Variants in SSR1 observed in about 807,000 individuals in gnomAD.
SSR1 encodes the protein signal sequence receptor subunit 1, also known as translocon-associated protein subunit alpha.
In SSR1, 13 loss-of-function variants were observed where a neutral mutation model predicts 36.1. The observed-to-expected ratio is 0.36, with a 90% CI of 0.23 to 0.57. SSR1 has a LOEUF of 0.57. Among genes scored for constraint, SSR1 ranks in the 20% least tolerant of loss-of-function variants. The probability of loss-of-function intolerance (pLI) is 0.81; values close to 1 mark genes in which losing one functional copy is unlikely to be tolerated. For synonymous variants in SSR1, 113 were observed against 118.9 expected, an observed-to-expected ratio of 0.95 and a Z score of 0.32; for missense variants, 291 against 338.5, an observed-to-expected ratio of 0.86 and a Z score of 1.10.
At chr6:7,312,883 C>A (rs1242922618) in intron 1 of SSR1, among the ~76,000 whole-genome samples, 159 bp downstream of exon 1, 1 of 152,206 alleles carries the variant, frequency 6.6e-6, no homozygotes, top group East Asian at 1.9e-4. Flanking sequence ...CGCGGGGACC[C>A]CTGCTGCTAC....
rs1757421215 is a variant in SSR1, at chr6:7,281,647, G to A, written c.*8217C>T. 1 of 152,168 alleles carries A rather than the reference G, an allele frequency of 6.6e-6. No individual in the cohort carries two copies. The highest frequency in any genetic ancestry group is 6.5e-5 in the Admixed American group (1 of 15,276). The allele number at this position is 152,168 out of a possible 1,614,324, so 9.4% of individuals were successfully genotyped here. ...CTGAAATCTCTTTTTATTCATAGCA[G>A]AGCCAAAACTGGAAGTCACTTATTA... is the stretch of plus-strand genomic sequence containing the variant. On this transcript the variant is annotated 3_prime_UTR_variant, in exon 8 of 8. Transcript: ENST00000244763.
intron 6 of SSR1, among the ~76,000 whole-genome samples, chr6:7,296,673 AG>A (rs1193834125): frequency 6.6e-6 from 1 of 151,136 alleles, no homozygotes; most frequent in East Asian, 1.9e-4. Flanking sequence ...AGGGTGAGTG[AG>A]GGAAGGAAAG....
intron 6 of SSR1, among the ~76,000 whole-genome samples, chr6:7,296,114 C>T (rs960016084): frequency 2.6e-5 from 4 of 151,922 alleles, no homozygotes; most frequent in African/African-American, 9.7e-5. Context: ...TTAAGCTAAC[C>T]ACCTCAATTT....
In SSR1 at chr6:7,281,957, G is replaced by A. The variant is rs1177288255; in HGVS notation, c.*7907C>T. On this transcript the variant is annotated 3_prime_UTR_variant, in exon 8 of 8. Transcript: ENST00000244763. The stretch of plus-strand genomic sequence containing the variant: ...GGCACGCTCTGGAAAGGCTGGTGCA[G>A]AGAGCAGGACGGTGAGCCTGAGTGA... 6.6e-6 allele frequency: 1 copy of A among 152,456 alleles called. No individual in the cohort carries two copies. The highest frequency in any genetic ancestry group is 1.5e-5 in the Non-Finnish European group (1 of 68,166). 9.4% of individuals were successfully genotyped at this position (152,456 alleles called of 1,614,324 possible).
Position 7,287,111 on chromosome 6 carries a change from G to T in SSR1, c.*2753C>A, listed in dbSNP as rs578128176. On this transcript the variant is annotated 3_prime_UTR_variant, in exon 8 of 8. Coordinates refer to ENST00000244763, the MANE Select transcript of SSR1 (RefSeq NM_003144.5). Reference sequence around the variant, plus strand: ...CAAGTCAATTTTCCTTCATATCAAGGGTATGGATATCATTGTACAAGATGA... The same window carrying T: ...CAAGTCAATTTTCCTTCATATCAAGTGTATGGATATCATTGTACAAGATGA... The T allele has an allele frequency of 2.6e-4, 40 of 152,000 alleles. No individual in the cohort carries two copies. Among genetic ancestry groups the T allele is most frequent in the African/African-American group, 8.7e-4 (36 of 41,442 alleles). The allele number at this position is 152,000 out of a possible 1,614,324, so 9.4% of individuals were successfully genotyped here. A position where few individuals can be genotyped will look rare whatever the true frequency, so the allele number is the denominator to read the frequency against.
intron 7 of SSR1, chr6:7,295,146 A>G: frequency 6.6e-7 from 1 of 1,510,354 alleles, no homozygotes; most frequent in South Asian, 1.3e-5. Flanking sequence ...GATTAGGAAC[A>G]CAGAAAATTC....
In SSR1 at chr6:7,298,775, C is replaced by T. The variant is rs1263967592; in HGVS notation, c.592G>A (p.Glu198Lys). 1.2e-6 allele frequency: 2 copies of T among 1,613,472 alleles called. No homozygotes were observed. The highest frequency in any genetic ancestry group is 1.7e-6 in the Non-Finnish European group (2 of 1,179,796). The change falls in exon 5 of 8, where the codon GAA becomes AAA. Residue 198 changes from glutamate to lysine, a missense_variant. Glu to Lys is a moderately conservative substitution (Grantham distance 56). Coordinates refer to ENST00000244763, the MANE Select transcript of SSR1 (RefSeq NM_003144.5). Reference sequence around the variant, plus strand: ...TCTCCATCTAACCCATCCTCTCTTTCAATAACTGTAACTGTTTGATTGAAG... The same window carrying T: ...TCTCCATCTAACCCATCCTCTCTTTTAATAACTGTAACTGTTTGATTGAAG... ...AVFNQTVTVI[E>K]REDGLDGETI...
At position 7,288,489 on chromosome 6, in the gene SSR1, A is replaced by G. The variant is rs1581624753; in HGVS notation, c.*1375T>C. On this transcript the variant is annotated 3_prime_UTR_variant, in exon 8 of 8. Transcript: ENST00000244763. ...TTTGGAAAGACTTTTTTCTGTGTGT[A>G]TTTCGTTTTGTTTTTTTGTCTGTGT... 1 of 152,550 alleles carries G rather than the reference A, an allele frequency of 6.6e-6. No individual in the cohort carries two copies. The highest frequency in any genetic ancestry group is 1.9e-4 in the East Asian group (1 of 5,186). The allele number at this position is 152,550 out of a possible 1,614,324, so 9.4% of individuals were successfully genotyped here.
At chr6:7,292,647 A>T (rs1399613704) in intron 7 of SSR1, among the ~76,000 whole-genome samples, 1 of 152,130 alleles carries the variant, frequency 6.6e-6, no homozygotes, top group African/African-American at 2.4e-5. Context: ...TAACATTTCC[A>T]GTAGCTGAGA....
chr6:7,311,266 CACATTAT>C, intron 1 of SSR1, among the ~76,000 whole-genome samples: 2 of 151,548 alleles, frequency 1.3e-5, no homozygotes, highest in Middle Eastern at 6.8e-3. Flanking sequence ...CTAAGTAAGT[CACATTAT>C]ATCTATTTCA....
At position 7,281,252 on chromosome 6, in the gene SSR1, A is replaced by C. The variant is rs1186539168; in HGVS notation, c.*8612T>G. 2 of 152,246 alleles carry C rather than the reference A, an allele frequency of 1.3e-5. No individual in the cohort carries two copies. Among genetic ancestry groups the C allele is most frequent in the Admixed American group, 1.3e-4 (2 of 15,278 alleles). The allele number at this position is 152,246 out of a possible 1,614,324, so 9.4% of individuals were successfully genotyped here. On this transcript the variant is annotated 3_prime_UTR_variant, in exon 8 of 8. Transcript: ENST00000244763. ...TTAGACCAGTAACAACAACCAAGAA[A>C]GCAAAGTGCTCGTTTCCATCTTGGC...
intron 7 of SSR1, 22 bp from the exon 8 acceptor site, chr6:7,289,953 T>C: frequency 6.6e-7 from 1 of 1,526,520 alleles, no homozygotes; most frequent in Non-Finnish European, 8.7e-7. Context: ...GAGAAAGTTT[T>C]AAGCTTGCCT....
At chr6:7,291,708 G>A (rs910895627) in intron 7 of SSR1, among the ~76,000 whole-genome samples, 3 of 152,172 alleles carry the variant, frequency 2.0e-5, no homozygotes, top group African/African-American at 7.2e-5. Context: ...GCAGTATGCT[G>A]AACATAGTCT....
intron 2 of SSR1, among the ~76,000 whole-genome samples, chr6:7,306,660 T>C (rs915778759): frequency 2.0e-5 from 3 of 150,346 alleles, no homozygotes; most frequent in Non-Finnish European, 3.0e-5. Context: ...CTCATGCCTG[T>C]AATCCCAGCA....
At chr6:7,312,339 G>A (rs969713193) in intron 1 of SSR1, among the ~76,000 whole-genome samples, 1 of 152,170 alleles carries the variant, frequency 6.6e-6, no homozygotes, top group African/African-American at 2.4e-5. Context: ...ACAAAAAATT[G>A]TTCCATGGAA....
At chr6:7,303,759 G>T in intron 2 of SSR1, 122 bp from the exon 3 acceptor site, 1 of 644,840 alleles carries the variant, frequency 1.6e-6, no homozygotes, top group Non-Finnish European at 2.6e-6. Context: ...GCCGAGGCAG[G>T]CAGATCACCT....
At chr6:7,295,804 C>G (rs2113280602) in intron 6 of SSR1, among the ~76,000 whole-genome samples, 1 of 152,286 alleles carries the variant, frequency 6.6e-6, no homozygotes, top group South Asian at 2.1e-4. Context: ...AAAATCATGT[C>G]TAGTACTGAT....
At chr6:7,292,355 A>T (rs201187965) in intron 7 of SSR1, among the ~76,000 whole-genome samples, 1 of 60,406 alleles carries the variant, frequency 1.7e-5, no homozygotes, top group Non-Finnish European at 4.2e-5. Context: ...TTCCTCCCTC[A>T]CTAACACATC....
At chr6:7,312,028 G>A (rs189774912) in intron 1 of SSR1, among the ~76,000 whole-genome samples, 1 of 152,274 alleles carries the variant, frequency 6.6e-6, no homozygotes, top group Admixed American at 6.5e-5. Flanking sequence ...ACAGAAGCCA[G>A]TCACTTCACT....
Sources: gnomAD v4.1 joint callset for allele counts (sites outside exome capture counted in the v4.1 genomes callset) on GRCh38, gnomAD v4.1.1 for gene constraint, MANE v1.5 for transcripts, NCBI Gene and HGNC (gene_info 2026-07-23, HGNC 2026-07-21) for gene names.